Variants in OR2Z1 observed in about 807,000 individuals in gnomAD.
OR2Z1 encodes the protein olfactory receptor 2Z1.
For missense variants in OR2Z1, 449 were observed against 401.8 expected (o/e 1.12, Z -1.00); for synonymous variants, 188 against 160.6 (o/e 1.17, Z -1.29).
chr19:8,724,497 A>G (rs1179316482), intron 2 of OR2Z1, among the ~76,000 whole-genome samples: 2 of 152,118 alleles, frequency 1.3e-5, no homozygotes, highest in Non-Finnish European at 2.9e-5. Context: ...TGCTGAGATT[A>G]CAGATGTGAA....
chr19:8,731,703 TCTAAGCATGCG>T lies in OR2Z1; in HGVS notation c.678_688del (p.Ser227ArgfsTer42), dbSNP rs782262187. 3.8e-5 allele frequency: 62 copies of T among 1,614,050 alleles called. No homozygotes were observed. Among genetic ancestry groups the T allele is most frequent in the Non-Finnish European group, 5.2e-5 (61 of 1,180,050 alleles). On this transcript the variant is annotated frameshift_variant, in exon 3 of 3. Coordinates refer to ENST00000641125, the MANE Select transcript of OR2Z1 (RefSeq NM_001004699.3). LOFTEE classifies it low-confidence loss of function (END_TRUNC). ...CCTACGGCCACGTGTTGCAGGCTGT[TCTAAGCATGCG>T]CTCAGAGGAGGCCAGACACAAGGCT...
At chr19:8,727,685 G>T (rs2043333329) in intron 2 of OR2Z1, among the ~76,000 whole-genome samples, 2 of 152,242 alleles carry the variant, frequency 1.3e-5, no homozygotes, top group Non-Finnish European at 2.9e-5. Context: ...TGGCCAACAT[G>T]GTGAAACCCT....
intron 2 of OR2Z1, among the ~76,000 whole-genome samples, chr19:8,724,004 G>A (rs1024133574): frequency 1.4e-4 from 18 of 128,420 alleles, no homozygotes; most frequent in African/African-American, 6.1e-4. Context: ...GTGTGTGTGT[G>A]TGTGTGTATG....
intron 1 of OR2Z1, among the ~76,000 whole-genome samples, chr19:8,722,370 A>G (rs2043310936): frequency 3.3e-5 from 5 of 152,152 alleles, no homozygotes; most frequent in Admixed American, 3.3e-4. Context: ...AGTCCAGATC[A>G]TGCCTGGTCA....
At chr19:8,729,341 G>C in intron 2 of OR2Z1, 1 of 418,096 alleles carries the variant, frequency 2.4e-6, no homozygotes, top group Non-Finnish European at 4.3e-6. Context: ...TGTGGTATTT[G>C]GTTTTGTTTC....
chr19:8,731,623 C>T lies in OR2Z1; in HGVS notation c.595C>T (p.Leu199=). Residue 199 remains leucine (L), a synonymous_variant, in exon 3 of 3, where the codon CTG becomes TTG. Coordinates refer to ENST00000641125, the MANE Select transcript of OR2Z1 (RefSeq NM_001004699.3). ...AGATACCTGTGCCTACGAGATGGCG[C>T]TGTCCACCTCAGGGGTGCTGATCCT... is the stretch of plus-strand genomic sequence containing the variant. ...CADTCAYEMA[L]STSGVLILML... is the part of the protein sequence containing the mutation. 6.2e-7 allele frequency: 1 copy of T among 1,614,100 alleles called. No homozygotes were observed. Among genetic ancestry groups the T allele is most frequent in the East Asian group, 2.2e-5 (1 of 44,876 alleles).
At chr19:8,726,934 A>T (rs1555756247) in intron 2 of OR2Z1, among the ~76,000 whole-genome samples, 1 of 151,406 alleles carries the variant, frequency 6.6e-6, no homozygotes, top group Non-Finnish European at 1.5e-5. Context: ...TCTTTTATTT[A>T]TTTATCTTTT....
chr19:8,726,394 C>T (rs1472811015), intron 2 of OR2Z1, among the ~76,000 whole-genome samples: 1 of 152,188 alleles, frequency 6.6e-6, no homozygotes, highest in Non-Finnish European at 1.5e-5. Context: ...GCCCCACCTC[C>T]AACATTAAGG....
At position 8,731,681 on chromosome 19, in the gene OR2Z1, A is replaced by T; in HGVS notation, c.653A>T (p.Tyr218Phe). The T allele has an allele frequency of 6.2e-7, 1 of 1,613,752 alleles. No individual in the cohort carries two copies. The highest frequency in any genetic ancestry group is 8.5e-7 in the Non-Finnish European group (1 of 1,179,962). ...MLPLSLIATS[Y>F]GHVLQAVLSM... is the part of the protein sequence containing the mutation. Reference sequence around the variant, plus strand: ...CCTCTTTCCCTCATCGCCACCTCCTACGGCCACGTGTTGCAGGCTGTTCTA... The same window carrying T: ...CCTCTTTCCCTCATCGCCACCTCCTTCGGCCACGTGTTGCAGGCTGTTCTA... The change falls in exon 3 of 3, where the codon TAC becomes TTC. Residue 218 changes from tyrosine to phenylalanine, a missense_variant. Coordinates refer to ENST00000641125, the MANE Select transcript of OR2Z1 (RefSeq NM_001004699.3).
At chr19:8,728,155 A>G (rs1373371369) in intron 2 of OR2Z1, among the ~76,000 whole-genome samples, 2 of 152,244 alleles carry the variant, frequency 1.3e-5, no homozygotes, top group African/African-American at 2.4e-5. Flanking sequence ...GGGAAAGAAC[A>G]TTCACCAGGT....
intron 2 of OR2Z1, among the ~76,000 whole-genome samples, chr19:8,730,573 C>T (rs1555756609): frequency 6.6e-6 from 1 of 152,138 alleles, no homozygotes; most frequent in African/African-American, 2.4e-5. Context: ...GCGAGTGCCA[C>T]CACACCCAGC....
At position 8,731,090 on chromosome 19, in the gene OR2Z1, C is replaced by G. The variant is rs2043350853; in HGVS notation, c.62C>G (p.Ser21Ter). The stretch of plus-strand genomic sequence containing the variant: ...ATTCTGGTGGGCCTCTTCAGTCACT[C>G]AGGATCACGCCAGCTCCTCTTCTCC... ...DFILVGLFSHSGSRQLLFSLV... is the reference protein window; with the variant it reads ...DFILVGLFSH The change falls in exon 3 of 3, where the codon TCA becomes TGA. Residue 21 changes from serine to a stop codon, truncating the protein, a stop_gained. Transcript: ENST00000641125. LOFTEE classifies it low-confidence loss of function (END_TRUNC). The G allele has an allele frequency of 6.2e-7, 1 of 1,614,132 alleles. No individual in the cohort carries two copies.
At chr19:8,730,205 G>A (rs1286230474) in intron 2 of OR2Z1, among the ~76,000 whole-genome samples, 1 of 152,100 alleles carries the variant, frequency 6.6e-6, no homozygotes, top group African/African-American at 2.4e-5. Flanking sequence ...TCCAGTGCTG[G>A]CTCATCACAG....
intron 2 of OR2Z1, among the ~76,000 whole-genome samples, chr19:8,724,664 T>C (rs1188914693): frequency 2.6e-5 from 4 of 152,176 alleles, no homozygotes; most frequent in African/African-American, 7.2e-5. Flanking sequence ...TTTCATTTTT[T>C]CCATTTTCGG....
In OR2Z1 at chr19:8,723,112, C is replaced by G. The variant is rs2043313707; in HGVS notation, c.-208C>G. On this transcript the variant is annotated 5_prime_UTR_variant, in exon 2 of 3. The change creates a new upstream start codon in the 5' untranslated region. Coordinates refer to ENST00000641125, the MANE Select transcript of OR2Z1 (RefSeq NM_001004699.3). ...GGGTTTTTATTTTTTTCAGATGCAT[C>G]AAAGACAGTGGGACCACCTGGGCAC... 1 of 152,052 alleles carries G rather than the reference C, an allele frequency of 6.6e-6. No homozygotes were observed. Among genetic ancestry groups the G allele is most frequent in the African/African-American group, 2.4e-5 (1 of 41,388 alleles). The allele number at this position is 152,052 out of a possible 1,614,324, so 9.4% of individuals were successfully genotyped here.
chr19:8,729,769 T>C (rs1284264280), intron 2 of OR2Z1, among the ~76,000 whole-genome samples: 1 of 152,134 alleles, frequency 6.6e-6, no homozygotes, highest in Non-Finnish European at 1.5e-5. Context: ...TTTGTATTTT[T>C]AGTAGAGATG....
chr19:8,725,447 TG>T (rs1204757105), intron 2 of OR2Z1, among the ~76,000 whole-genome samples: 6 of 152,260 alleles, frequency 3.9e-5, no homozygotes, highest in African/African-American at 1.2e-4. Flanking sequence ...TTCACCTTGT[TG>T]GCTGGGCTGG....
chr19:8,728,500 T>C lies in OR2Z1; in HGVS notation c.-169-2360T>C, dbSNP rs1000754341. ...CCCAGGCCATTCAACCCCCTCCTGC[T>C]GTCATTGTGCCTCTATGGTTTCCTT... is the stretch of plus-strand genomic sequence containing the variant. On this transcript the variant is annotated intron_variant, in intron 2 of 2. Transcript: ENST00000641125. Among the ~76,000 whole-genome samples the C allele has an allele frequency of 6.6e-5, 10 of 152,310 alleles. 1 individual carries two copies. Among genetic ancestry groups the C allele is most frequent in the African/African-American group, 2.4e-4 (10 of 41,574 alleles).
chr19:8,726,777 C>T (rs1390082959), intron 2 of OR2Z1, among the ~76,000 whole-genome samples: 1 of 152,116 alleles, frequency 6.6e-6, no homozygotes. Flanking sequence ...CTAAAGACAG[C>T]CTTGCAGGCC....
Sources: allele counts gnomAD v4.1 joint callset (sites outside exome capture counted in the v4.1 genomes callset), GRCh38; gene constraint gnomAD v4.1.1; transcripts MANE v1.5; gene names NCBI Gene and HGNC (gene_info 2026-07-23, HGNC 2026-07-21).